THSD7B: variants seen among roughly 807,000 people sequenced by gnomAD.
THSD7B encodes thrombospondin type 1 domain containing 7B.
Under a neutral mutation model 213.6 loss-of-function variants are expected in THSD7B, and 138 were observed. That is an observed-to-expected ratio of 0.65 (90% CI 0.56 to 0.74). THSD7B has a LOEUF of 0.74. Ranked by LOEUF, THSD7B falls within the 30% of genes least tolerant of loss-of-function variation. The pLI is 0.00. For missense variants in THSD7B, 1,931 were observed against 1,991.5 expected, an observed-to-expected ratio of 0.97 and a Z score of 0.58; for synonymous variants, 742 against 687.0, an observed-to-expected ratio of 1.08 and a Z score of -1.25.
chr2:137,541,777 G>C (rs923150875), intron 15 of THSD7B, among the ~76,000 whole-genome samples: 3 of 151,526 alleles, frequency 2.0e-5, no homozygotes, highest in African/African-American at 7.3e-5. Context: ...GAAATTATAA[G>C]AATTACATAG....
intron 10 of THSD7B, among the ~76,000 whole-genome samples, chr2:137,263,262 AAT>A (rs199954462): frequency 2.4e-4 from 36 of 151,108 alleles, no homozygotes; most frequent in South Asian, 8.4e-4. Flanking sequence ...CTATATATAT[AAT>A]ATATATATAT....
At chr2:137,190,703 A>G (rs1460635672) in intron 7 of THSD7B, among the ~76,000 whole-genome samples, 1 of 152,228 alleles carries the variant, frequency 6.6e-6, no homozygotes, top group Non-Finnish European at 1.5e-5. Context: ...GCACATATGC[A>G]TATCTAACAC....
chr2:137,539,373 A>G (rs749521809), intron 15 of THSD7B, among the ~76,000 whole-genome samples: 12 of 151,702 alleles, frequency 7.9e-5, no homozygotes, highest in Non-Finnish European at 1.2e-4. Flanking sequence ...AGGGGGTAAG[A>G]TGTACAATTC....
intron 1 of THSD7B, among the ~76,000 whole-genome samples, chr2:136,784,302 C>T (rs1370912584): frequency 1.3e-5 from 2 of 152,170 alleles, no homozygotes; most frequent in African/African-American, 4.8e-5. Flanking sequence ...ACAGACTCTG[C>T]AAGATGGAGA....
chr2:137,035,498 A>G (rs1190518988), intron 2 of THSD7B, among the ~76,000 whole-genome samples: 1 of 151,964 alleles, frequency 6.6e-6, no homozygotes, highest in African/African-American at 2.4e-5. Flanking sequence ...GAATGAAAAC[A>G]TCTTACACTT....
At chr2:136,936,770 G>C (rs1421632301) in intron 2 of THSD7B, among the ~76,000 whole-genome samples, 2 of 151,980 alleles carry the variant, frequency 1.3e-5, no homozygotes, top group Non-Finnish European at 2.9e-5. Context: ...CACCACTAAA[G>C]AGCTTACTCA....
chr2:136,960,752 G>A (rs1366306587), intron 2 of THSD7B, among the ~76,000 whole-genome samples: 2 of 152,036 alleles, frequency 1.3e-5, no homozygotes, highest in African/African-American at 4.8e-5. Context: ...AAGAACAGAG[G>A]ATGATGTGGA....
At chr2:137,389,476 T>C (rs1685970828) in intron 12 of THSD7B, among the ~76,000 whole-genome samples, 1 of 147,676 alleles carries the variant, frequency 6.8e-6, no homozygotes, top group Non-Finnish European at 1.5e-5. Flanking sequence ...TATTAGTCTC[T>C]TGTCAGATGG....
chr2:136,914,587 C>T (rs1441154803), intron 2 of THSD7B, among the ~76,000 whole-genome samples: 2 of 152,158 alleles, frequency 1.3e-5, no homozygotes, highest in Admixed American at 1.3e-4. Flanking sequence ...CGTCTTTCCC[C>T]TGCTGTTTTC....
chr2:137,578,759 T>C lies in THSD7B; in HGVS notation c.3423+6203T>C, dbSNP rs564308108. Among the ~76,000 whole-genome samples the C allele has an allele frequency of 4.6e-5, 7 of 152,300 alleles. No homozygotes were observed. In the South Asian group the frequency reaches 1.2e-3, roughly 27 times the overall value. ...ATGATAGGGACCTAGGTGGTTTTGGTAATATTTTGTTTGTTTGTTTCTTTT... is the reference window on the plus strand; with the variant it reads ...ATGATAGGGACCTAGGTGGTTTTGGCAATATTTTGTTTGTTTGTTTCTTTT... On this transcript the variant is annotated intron_variant, in intron 17 of 27. Coordinates refer to ENST00000409968, the MANE Select transcript of THSD7B (RefSeq NM_001316349.2).
At chr2:136,987,593 A>C (rs1344005575) in intron 2 of THSD7B, among the ~76,000 whole-genome samples, 11 of 152,200 alleles carry the variant, frequency 7.2e-5, no homozygotes, top group Admixed American at 7.2e-4. Context: ...TACTGTACTC[A>C]TGGAAGCTCA....
In THSD7B at chr2:137,676,584, C is replaced by T. The variant is rs542613704; in HGVS notation, c.4800C>T (p.Tyr1600=). Residue 1600 remains tyrosine (Y), a synonymous_variant, in exon 28 of 28, where the codon TAC becomes TAT. Transcript: ENST00000409968. ...PPQQKPLTLA[Y]DGDLDM ...AACAGAAGCCTCTGACCTTAGCCTA[C>T]GATGGAGACTTAGACATGTAATCTG... 2.6e-5 allele frequency: 41 copies of T among 1,590,914 alleles called. No homozygotes were observed. The highest frequency in any genetic ancestry group is 3.6e-5 in the Admixed American group (2 of 55,116).
chr2:137,546,446 A>T lies in THSD7B; in HGVS notation c.3139-16775A>T, dbSNP rs988277776. Among the ~76,000 whole-genome samples the T allele has an allele frequency of 1.9e-4, 5 of 26,468 alleles. 1 individual carries two copies. Among genetic ancestry groups the T allele is most frequent in the East Asian group, 1.7e-3 (2 of 1,198 alleles). The allele number at this position is 26,468 out of a possible 152,430, so 17.4% of individuals were successfully genotyped here. On this transcript the variant is annotated intron_variant, in intron 15 of 27. Transcript: ENST00000409968. ...ATATTATATATATATTATATATATT[A>T]TATATATATTATATATAATATATAT...
chr2:136,988,339 C>CT (rs1216203684), intron 2 of THSD7B, among the ~76,000 whole-genome samples: 1 of 152,182 alleles, frequency 6.6e-6, no homozygotes, highest in Non-Finnish European at 1.5e-5. Context: ...TGTAAGTCTT[C>CT]TGATTTTTAC....
chr2:137,459,992 T>A (rs1270497580), intron 15 of THSD7B, among the ~76,000 whole-genome samples: 1 of 152,158 alleles, frequency 6.6e-6, no homozygotes, highest in Non-Finnish European at 1.5e-5. Context: ...TCTTCTGAAG[T>A]CAGCCATGGA....
intron 15 of THSD7B, among the ~76,000 whole-genome samples, chr2:137,465,746 T>G (rs531354871): frequency 7.2e-4 from 109 of 152,262 alleles, no homozygotes; most frequent in Admixed American, 1.6e-3. Context: ...AACAAGCCAG[T>G]AGCACTCTGG....
intron 15 of THSD7B, among the ~76,000 whole-genome samples, chr2:137,526,797 A>C (rs1680288291): frequency 6.6e-6 from 1 of 152,168 alleles, no homozygotes; most frequent in Non-Finnish European, 1.5e-5. Context: ...GCACAGTGAT[A>C]AATGTTTTGA....
chr2:137,536,681 A>C (rs981461085), intron 15 of THSD7B, among the ~76,000 whole-genome samples: 1 of 151,716 alleles, frequency 6.6e-6, no homozygotes, highest in African/African-American at 2.4e-5. Flanking sequence ...AGATTTAAAA[A>C]AAAAAGACAA....
At chr2:137,121,498 A>T (rs1219216751) in intron 5 of THSD7B, among the ~76,000 whole-genome samples, 1 of 152,226 alleles carries the variant, frequency 6.6e-6, no homozygotes, top group Non-Finnish European at 1.5e-5. Flanking sequence ...AAACTAAAGC[A>T]TGTGGCATCG....
Sources: gnomAD v4.1 joint callset for allele counts (sites outside exome capture counted in the v4.1 genomes callset) on GRCh38, gnomAD v4.1.1 for gene constraint, MANE v1.5 for transcripts, NCBI Gene and HGNC (gene_info 2026-07-23, HGNC 2026-07-21) for gene names.